Variants in SYT1 observed in about 807,000 individuals in gnomAD.
SYT1 encodes synaptotagmin 1.
A neutral mutation model predicts 44.8 loss-of-function variants in SYT1; 8 were observed. The ratio of observed to expected loss-of-function variants is 0.18; its 90% CI spans 0.10 to 0.32. SYT1 has a LOEUF of 0.32. SYT1 is among the 10% of genes least tolerant of loss of function. The pLI is 1.00. For synonymous variants in SYT1, 154 were observed against 188.8 expected (o/e 0.82, Z 1.51); for missense variants, 286 against 509.3 (o/e 0.56, Z 4.22).
chr12:79,310,590 A>G (rs1384351063), intron 8 of SYT1, among the ~76,000 whole-genome samples: 1 of 152,152 alleles, frequency 6.6e-6, no homozygotes, highest in Admixed American at 6.5e-5. Context: ...CATTGAATCT[A>G]TAAATTACCT....
intron 9 of SYT1, among the ~76,000 whole-genome samples, chr12:79,401,137 G>A (rs959559490): frequency 2.6e-5 from 4 of 152,126 alleles, no homozygotes; most frequent in Non-Finnish European, 4.4e-5. Flanking sequence ...GAATAAAAAT[G>A]TCAAACAAGG....
intron 8 of SYT1, among the ~76,000 whole-genome samples, chr12:79,348,317 A>G (rs747602829): frequency 2.6e-5 from 4 of 152,160 alleles, no homozygotes; most frequent in Non-Finnish European, 4.4e-5. Flanking sequence ...ACATGGACTT[A>G]AGGTTGCCAC....
At chr12:79,083,394 T>C (rs1877169112) in intron 3 of SYT1, among the ~76,000 whole-genome samples, 1 of 152,242 alleles carries the variant, frequency 6.6e-6, no homozygotes, top group African/African-American at 2.4e-5. Context: ...TTTTAGTAGA[T>C]GAATCCCCTA....
At chr12:79,296,810 T>C (rs1475632660) in intron 7 of SYT1, among the ~76,000 whole-genome samples, 1 of 152,144 alleles carries the variant, frequency 6.6e-6, no homozygotes, top group African/African-American at 2.4e-5. Context: ...GGCACCTCAG[T>C]TGACAAACAA....
chr12:79,350,101 C>T (rs1277834191), intron 8 of SYT1, among the ~76,000 whole-genome samples: 1 of 152,122 alleles, frequency 6.6e-6, no homozygotes, highest in Non-Finnish European at 1.5e-5. Context: ...ACAACACTGG[C>T]TTACTATATA....
chr12:79,163,888 TTGTTAAGTA>T (rs1289677158), intron 3 of SYT1, among the ~76,000 whole-genome samples: 5 of 152,234 alleles, frequency 3.3e-5, no homozygotes, highest in African/African-American at 1.2e-4. Context: ...TTCTCATTGT[TTGTTAAGTA>T]GGTGCTTTAG....
chr12:78,915,031 A>G (rs1011626234), intron 1 of SYT1, among the ~76,000 whole-genome samples: 1 of 151,988 alleles, frequency 6.6e-6, no homozygotes, highest in Non-Finnish European at 1.5e-5. Context: ...ATAACTAGTA[A>G]TCTCTTTAAA....
intron 2 of SYT1, among the ~76,000 whole-genome samples, chr12:79,000,881 T>C (rs933085152): frequency 6.6e-6 from 1 of 152,168 alleles, no homozygotes; most frequent in Non-Finnish European, 1.5e-5. Context: ...ATATTCAGTT[T>C]CTCCAAGAAA....
chr12:79,337,029 C>A (rs1882121623), intron 8 of SYT1, among the ~76,000 whole-genome samples: 1 of 152,060 alleles, frequency 6.6e-6, no homozygotes, highest in Admixed American at 6.6e-5. Flanking sequence ...TGTGACTTGC[C>A]TTAGTCTATC....
intron 3 of SYT1, among the ~76,000 whole-genome samples, chr12:79,197,885 T>A (rs553397757): frequency 4.3e-4 from 66 of 152,256 alleles, no homozygotes; most frequent in African/African-American, 1.5e-3. Flanking sequence ...CTTTGATGAA[T>A]AAATTTTTTT....
chr12:79,416,197 A>T (rs1403139575), intron 9 of SYT1, among the ~76,000 whole-genome samples: 2 of 152,216 alleles, frequency 1.3e-5, no homozygotes, highest in Non-Finnish European at 2.9e-5. Flanking sequence ...ATAGAAAGAA[A>T]CAAGGCAAGG....
At chr12:79,355,896 C>T (rs952726134) in intron 9 of SYT1, among the ~76,000 whole-genome samples, 2 of 152,110 alleles carry the variant, frequency 1.3e-5, no homozygotes, top group Admixed American at 6.6e-5. Context: ...ACCCTCCCCT[C>T]CTGCAGCTTG....
At chr12:79,301,802 C>T (rs1334353341) in intron 8 of SYT1, among the ~76,000 whole-genome samples, 3 of 152,082 alleles carry the variant, frequency 2.0e-5, no homozygotes, top group Non-Finnish European at 4.4e-5. Flanking sequence ...ACTCGTAAAA[C>T]TCTAGAGACT....
intron 9 of SYT1, among the ~76,000 whole-genome samples, chr12:79,436,363 G>A (rs1870089740): frequency 6.6e-6 from 1 of 152,160 alleles, no homozygotes; most frequent in South Asian, 2.1e-4. Context: ...TACTGGCTGA[G>A]AAGGGATTGA....
rs1868365649 is a variant in SYT1, at chr12:78,971,036, T to C, written c.-216-6763T>C. ...AAAGTTAGCAGGGTGTGATGATGCA[T>C]GCCTGTGATCCTAGCTACTCAGGAG... is the stretch of plus-strand genomic sequence containing the variant. On this transcript the variant is annotated intron_variant, in intron 1 of 10. Coordinates refer to ENST00000261205, the MANE Select transcript of SYT1 (RefSeq NM_005639.3). 3.3e-5 allele frequency among the ~76,000 whole-genome samples: 5 copies of C among 152,124 alleles called. 1 individual carries two copies. In the South Asian group the frequency reaches 1.0e-3, roughly 31 times the overall value.
intron 3 of SYT1, among the ~76,000 whole-genome samples, chr12:79,104,631 T>C (rs569902021): frequency 6.6e-6 from 1 of 152,090 alleles, no homozygotes; most frequent in South Asian, 2.1e-4. Context: ...GTCCAAGGGC[T>C]AGACAGATCA....
At chr12:78,915,812 A>G (rs1366558672) in intron 1 of SYT1, among the ~76,000 whole-genome samples, 1 of 152,032 alleles carries the variant, frequency 6.6e-6, no homozygotes, top group East Asian at 1.9e-4. Context: ...TTAAGAAGAA[A>G]AATATCAGTT....
intron 2 of SYT1, among the ~76,000 whole-genome samples, chr12:79,002,525 T>C (rs1216356522): frequency 1.3e-5 from 2 of 152,078 alleles, no homozygotes; most frequent in Non-Finnish European, 2.9e-5. Context: ...TAAAAGTTTT[T>C]CCTAATGAAT....
intron 1 of SYT1, among the ~76,000 whole-genome samples, chr12:78,903,255 CATATACAAAATAT>C (rs1448630119): frequency 1.3e-5 from 2 of 150,780 alleles, no homozygotes; most frequent in Non-Finnish European, 3.0e-5. Context: ...AATATTTATA[CATATACAAAATAT>C]ATATACAAAT....
Sources: gnomAD v4.1 joint callset for allele counts (sites outside exome capture counted in the v4.1 genomes callset) on GRCh38, gnomAD v4.1.1 for gene constraint, MANE v1.5 for transcripts, NCBI Gene and HGNC (gene_info 2026-07-23, HGNC 2026-07-21) for gene names.